CAMK4: variants seen among roughly 807,000 people sequenced by gnomAD.
CAMK4 encodes calcium/calmodulin-dependent protein kinase type IV.
A neutral mutation model predicts 44.9 loss-of-function variants in CAMK4; 22 were observed. The ratio of observed to expected loss-of-function variants is 0.49; its 90% CI spans 0.35 to 0.70. The LOEUF (loss-of-function observed/expected upper bound fraction) is 0.70. CAMK4 is among the 30% of genes least tolerant of loss of function. The pLI is 0.01. For missense variants in CAMK4, 498 were observed against 586.8 expected (o/e 0.85, Z 1.56); for synonymous variants, 218 against 215.4 (o/e 1.01, Z -0.11).
At chr5:111,405,533 G>T (rs1580709089) in intron 5 of CAMK4, among the ~76,000 whole-genome samples, 1 of 152,058 alleles carries the variant, frequency 6.6e-6, no homozygotes, top group East Asian at 1.9e-4. Flanking sequence ...TGAAAGAAAA[G>T]GAATTTCCAT....
intron 1 of CAMK4, among the ~76,000 whole-genome samples, chr5:111,278,559 A>C (rs989281353): frequency 4.6e-5 from 7 of 152,270 alleles, no homozygotes; most frequent in African/African-American, 1.7e-4. Context: ...GTAGCTAAAT[A>C]TAAAAACATT....
rs1748924263 is a variant in CAMK4 at position 111,327,085 on chromosome 5, G to A, written c.162-16939G>A. On this transcript the variant is annotated intron_variant, in intron 1 of 10. Transcript: ENST00000282356. ...AGGTTTGTTACATATGTATACATGT[G>A]CCATGCTGGTGTGCTGCACCCATTA... 2.0e-5 allele frequency among the ~76,000 whole-genome samples: 3 copies of A among 151,660 alleles called. No individual in the cohort carries two copies. The Middle Eastern group carries it at 0.01, about 516-fold the overall frequency.
At chr5:111,244,750 A>G (rs1454338166) in intron 1 of CAMK4, among the ~76,000 whole-genome samples, 3 of 152,074 alleles carry the variant, frequency 2.0e-5, no homozygotes, top group Non-Finnish European at 4.4e-5. Flanking sequence ...AGTCCCAGCT[A>G]CTTGGGGGGC....
At chr5:111,402,114 G>C (rs306096) in intron 5 of CAMK4, among the ~76,000 whole-genome samples, 141,237 of 152,330 alleles carry the variant, frequency 0.93, 65,628 homozygotes, top group East Asian at 1. Flanking sequence ...GAAAATCAGA[G>C]TCAGAAAGCA....
At chr5:111,327,911 CCCTTTGT>C (rs1373108974) in intron 1 of CAMK4, among the ~76,000 whole-genome samples, 13 of 129,142 alleles carry the variant, frequency 1.0e-4, no homozygotes, top group South Asian at 2.4e-4. Flanking sequence ...TGGATATTAG[CCCTTTGT>C]CAGATGAGTA....
chr5:111,349,824 C>G (rs1393613216), intron 2 of CAMK4, among the ~76,000 whole-genome samples: 3 of 151,878 alleles, frequency 2.0e-5, no homozygotes, highest in African/African-American at 2.4e-5. Flanking sequence ...TATAGTATCT[C>G]TAGAATTTTG....
At position 111,494,515 on chromosome 5, in the gene CAMK4, T is replaced by C. The variant is rs1277699987; in HGVS notation, c.*10049T>C. Reference sequence around the variant, plus strand: ...CAATGGTGGTGACTGACCAGTGAGTTTCTACTTCTTACAGATGGGACACAA... The same window carrying C: ...CAATGGTGGTGACTGACCAGTGAGTCTCTACTTCTTACAGATGGGACACAA... On this transcript the variant is annotated 3_prime_UTR_variant, in exon 11 of 11. Coordinates refer to ENST00000282356, the MANE Select transcript of CAMK4 (RefSeq NM_001744.6). 1 of 152,104 alleles carries C rather than the reference T, an allele frequency of 6.6e-6. No homozygotes were observed. Among genetic ancestry groups the C allele is most frequent in the Non-Finnish European group, 1.5e-5 (1 of 68,024 alleles). The allele number at this position is 152,104 out of a possible 1,614,324, so 9.4% of individuals were successfully genotyped here.
rs1182054104 is a variant in CAMK4 at position 111,486,426 on chromosome 5, GTCT to G, written c.*1965_*1967del. On this transcript the variant is annotated 3_prime_UTR_variant, in exon 11 of 11. Transcript: ENST00000282356. ...CTCGCTATTTTTAACCTTTAAGAAT[GTCT>G]TCTTTGTTAAGCATTAAGATTTCCA... is the stretch of plus-strand genomic sequence containing the variant. 6.6e-6 allele frequency: 1 copy of G among 151,060 alleles called. No homozygotes were observed. The highest frequency in any genetic ancestry group is 1.5e-5 in the Non-Finnish European group (1 of 67,904). 9.4% of individuals were successfully genotyped at this position (151,060 alleles called of 1,614,324 possible). A position where few individuals can be genotyped will look rare whatever the true frequency, so the allele number is the denominator to read the frequency against.
At chr5:111,412,274 G>A (rs114322815) in intron 5 of CAMK4, among the ~76,000 whole-genome samples, 334 of 151,638 alleles carry the variant, frequency 2.2e-3, no homozygotes, top group African/African-American at 8.0e-3. Flanking sequence ...TTCCCAAAGA[G>A]GAGATGAGCA....
chr5:111,399,684 A>T (rs796981210), intron 5 of CAMK4, among the ~76,000 whole-genome samples: 4 of 152,306 alleles, frequency 2.6e-5, no homozygotes, highest in African/African-American at 9.6e-5. Flanking sequence ...TTATTTTTCT[A>T]CTAATTTCAT....
intron 5 of CAMK4, among the ~76,000 whole-genome samples, chr5:111,429,271 CAAAT>C (rs968654639): frequency 1.3e-5 from 2 of 151,988 alleles, no homozygotes; most frequent in African/African-American, 2.4e-5. Flanking sequence ...AGAGAAGATC[CAAAT>C]AAATAAAATC....
chr5:111,478,607 C>T, intron 9 of CAMK4, 100 bp downstream of exon 9: 1 of 495,982 alleles, frequency 2.0e-6, no homozygotes, highest in Non-Finnish European at 3.5e-6. Context: ...ATATTAATGC[C>T]ATATTTTCTT....
chr5:111,238,584 C>G (rs745881764), intron 1 of CAMK4, among the ~76,000 whole-genome samples: 1 of 151,020 alleles, frequency 6.6e-6, no homozygotes, highest in African/African-American at 2.4e-5. Context: ...CAGTCTGTGG[C>G]ACTTTGTTAC....
intron 1 of CAMK4, chr5:111,265,675 G>T (rs1750208856): frequency 6.6e-6 from 1 of 152,186 alleles, no homozygotes; most frequent in Non-Finnish European, 1.5e-5. Context: ...TTTAGTAGAT[G>T]AGATAAACTC....
chr5:111,300,529 T>C (rs1427935316), intron 1 of CAMK4, among the ~76,000 whole-genome samples: 1 of 152,236 alleles, frequency 6.6e-6, no homozygotes, highest in Non-Finnish European at 1.5e-5. Flanking sequence ...AAATTAATGT[T>C]TTATTTTCTC....
intron 5 of CAMK4, among the ~76,000 whole-genome samples, chr5:111,422,616 G>C (rs1753073046): frequency 6.6e-6 from 1 of 152,204 alleles, no homozygotes; most frequent in Non-Finnish European, 1.5e-5. Flanking sequence ...AATCAAAGCA[G>C]ATGGAACATT....
At chr5:111,307,203 TC>T in intron 1 of CAMK4, among the ~76,000 whole-genome samples, 1 of 31,954 alleles carries the variant, frequency 3.1e-5, no homozygotes, top group Non-Finnish European at 5.3e-5. Flanking sequence ...GGACTTCATG[TC>T]CGAAACACCA....
chr5:111,382,231 C>T (rs1391165249), intron 4 of CAMK4, among the ~76,000 whole-genome samples: 1 of 152,098 alleles, frequency 6.6e-6, no homozygotes, highest in South Asian at 2.1e-4. Flanking sequence ...TAAGACCTCA[C>T]CTCCAGTCCT....
At chr5:111,244,341 T>C (rs1463072198) in intron 1 of CAMK4, among the ~76,000 whole-genome samples, 2 of 152,244 alleles carry the variant, frequency 1.3e-5, no homozygotes, top group African/African-American at 4.8e-5. Context: ...CAGAATATTT[T>C]ATACTTGTCT....
Sources: allele counts gnomAD v4.1 joint callset (sites outside exome capture counted in the v4.1 genomes callset), GRCh38; gene constraint gnomAD v4.1.1; transcripts MANE v1.5; gene names NCBI Gene and HGNC (gene_info 2026-07-23, HGNC 2026-07-21).